VPS13B: variants seen among roughly 807,000 people sequenced by gnomAD.
The protein encoded by VPS13B is vacuolar protein sorting 13 homolog B.
Under a neutral mutation model 426.4 loss-of-function variants are expected in VPS13B, and 285 were observed. The observed-to-expected ratio is 0.67, with a 90% CI of 0.61 to 0.74. The LOEUF is 0.74. Among genes scored for constraint, VPS13B ranks in the 30% least tolerant of loss-of-function variants. The pLI, the probability that VPS13B is intolerant of heterozygous loss-of-function variation, is 0.00. For synonymous variants in VPS13B, 1,676 were observed against 1,676.4 expected, an observed-to-expected ratio of 1.00 and a Z score of 0.01; for missense variants, 4,537 against 4,782.6, an observed-to-expected ratio of 0.95 and a Z score of 1.51.
intron 25 of VPS13B, among the ~76,000 whole-genome samples, chr8:99,490,178 G>A (rs144729632): frequency 0.013 from 1,985 of 152,232 alleles, 22 homozygotes; most frequent in Non-Finnish European, 0.021. Flanking sequence ...TTTGTCGTTG[G>A]TTCTGTTTAT....
chr8:99,067,147 A>G (rs1487429666), intron 3 of VPS13B, among the ~76,000 whole-genome samples: 3 of 152,370 alleles, frequency 2.0e-5, no homozygotes, highest in Admixed American at 1.3e-4. Context: ...TACTAGGTAT[A>G]TACCCAAAAG....
At chr8:99,440,953 G>C (rs117450379) in intron 22 of VPS13B, among the ~76,000 whole-genome samples, 3 of 151,930 alleles carry the variant, frequency 2.0e-5, no homozygotes, top group Admixed American at 2.0e-4. Context: ...ATTTTAAATT[G>C]TGCAACTGAA....
At chr8:99,352,895 A>G (rs1273306449) in intron 19 of VPS13B, among the ~76,000 whole-genome samples, 1 of 152,096 alleles carries the variant, frequency 6.6e-6, no homozygotes, top group Non-Finnish European at 1.5e-5. Flanking sequence ...TAAAAATTGT[A>G]TGCAATAATA....
intron 19 of VPS13B, among the ~76,000 whole-genome samples, chr8:99,372,963 A>G (rs1216326396): frequency 3.3e-5 from 5 of 152,244 alleles, no homozygotes; most frequent in African/African-American, 1.2e-4. Context: ...GCCCATATCC[A>G]CAGTGGAATA....
chr8:99,653,372 A>T (rs1362996015), intron 34 of VPS13B, among the ~76,000 whole-genome samples: 1 of 152,180 alleles, frequency 6.6e-6, no homozygotes, highest in African/African-American at 2.4e-5. Flanking sequence ...AAAGGCAGTG[A>T]TTAGCTTTAA....
intron 58 of VPS13B, among the ~76,000 whole-genome samples, chr8:99,863,208 G>T (rs1816919333): frequency 6.6e-6 from 1 of 152,194 alleles, no homozygotes; most frequent in Non-Finnish European, 1.5e-5. Context: ...TTGGTAAACA[G>T]AACCTATCAT....
chr8:99,642,110 G>C lies in VPS13B; in HGVS notation c.5520G>C (p.Lys1840Asn). The C allele has an allele frequency of 1.2e-6, 2 of 1,614,048 alleles. No homozygotes were observed. The highest frequency in any genetic ancestry group is 1.7e-6 in the Non-Finnish European group (2 of 1,179,992). Reference protein sequence around the residue: ...ALSKSKSQEQKNNEKTDKSSL... With the variant: ...ALSKSKSQEQNNNEKTDKSSL... ...CCAAATCGAAATCACAAGAACAGAA[G>C]AATAATGAAAAAACAGACAAGAGTT... Residue 1840 changes from lysine (K) to asparagine (N), a missense_variant, in exon 34 of 62, where the codon AAG becomes AAC. Coordinates refer to ENST00000357162, the MANE Select transcript of VPS13B (RefSeq NM_152564.5).
chr8:99,682,814 T>C (rs1447319354), intron 35 of VPS13B, among the ~76,000 whole-genome samples: 1 of 152,098 alleles, frequency 6.6e-6, no homozygotes, highest in Non-Finnish European at 1.5e-5. Flanking sequence ...TCCCTCCCTA[T>C]AGGACACTGA....
chr8:99,514,498 T>A (rs1409316094), intron 29 of VPS13B, among the ~76,000 whole-genome samples: 1 of 152,214 alleles, frequency 6.6e-6, no homozygotes, highest in African/African-American at 2.4e-5. Context: ...TGAATTTTAC[T>A]ACTCTAGAAA....
chr8:99,816,846 A>G (rs983289191), intron 44 of VPS13B, among the ~76,000 whole-genome samples: 1 of 152,132 alleles, frequency 6.6e-6, no homozygotes, highest in Non-Finnish European at 1.5e-5. Flanking sequence ...AAAAAAAATT[A>G]GATATCTGCA....
rs548046351 is a variant in VPS13B, at chr8:99,588,460, T to C, written c.5220+10827T>C. ...TCTTCTATCCATGAGCATGGAATGT[T>C]CTTCCATTTGTTTGTGTCCTCTTTT... On this transcript the variant is annotated intron_variant, in intron 33 of 61. Coordinates refer to ENST00000357162, the MANE Select transcript of VPS13B (RefSeq NM_152564.5). 3.9e-5 allele frequency among the ~76,000 whole-genome samples: 6 copies of C among 151,926 alleles called. No homozygotes were observed. In the East Asian group the frequency reaches 9.6e-4, roughly 24 times the overall value.
At position 99,720,458 on chromosome 8, in the gene VPS13B, A is replaced by G. The variant is rs1833090327; in HGVS notation, c.6771A>G (p.Gln2257=). ...FEVQVSEPVP[Q]MSSPVEKNQT... Reference sequence around the variant, plus strand: ...TACAAGTTTCTGAACCAGTGCCTCAAATGTCATCTCCTGTGGAAAAGAATC... The same window carrying G: ...TACAAGTTTCTGAACCAGTGCCTCAGATGTCATCTCCTGTGGAAAAGAATC... The change falls in exon 38 of 62, where the codon CAA becomes CAG. Residue 2257 remains glutamine, a synonymous_variant. Transcript: ENST00000357162. 3 of 1,614,064 alleles carry G rather than the reference A, an allele frequency of 1.9e-6. No homozygotes were observed. Among genetic ancestry groups the G allele is most frequent in the African/African-American group, 1.3e-5 (1 of 75,060 alleles).
At position 99,870,988 on chromosome 8, in the gene VPS13B, G is replaced by C. The variant is rs376554533; in HGVS notation, c.11495+101G>C. 1.9e-5 allele frequency: 23 copies of C among 1,201,894 alleles called. No homozygotes were observed. The East Asian group carries it at 2.0e-4, about 10-fold the overall frequency. 74.5% of individuals were successfully genotyped at this position (1,201,894 alleles called of 1,614,324 possible). A position where few individuals can be genotyped will look rare whatever the true frequency, so the allele number is the denominator to read the frequency against. On this transcript the variant is annotated intron_variant, in intron 60 of 61. Coordinates refer to ENST00000357162, the MANE Select transcript of VPS13B (RefSeq NM_152564.5). ...ATGGGCCATGCTTCCAGGGAGCCCA[G>C]GAGTAGCCATTGTTGGCACTGGCAT...
chr8:99,436,232 AAAT>A (rs1817367657), intron 22 of VPS13B, among the ~76,000 whole-genome samples: 1 of 152,150 alleles, frequency 6.6e-6, no homozygotes, highest in Non-Finnish European at 1.5e-5. Flanking sequence ...TGGATACATT[AAAT>A]AATATTTAAG....
chr8:99,758,020 A>G (rs1001321502), intron 39 of VPS13B, among the ~76,000 whole-genome samples: 21 of 152,228 alleles, frequency 1.4e-4, no homozygotes, highest in Non-Finnish European at 2.4e-4. Context: ...TTTTGGCACC[A>G]AACTCTTGGA....
chr8:99,666,463 A>G (rs1260144409), intron 35 of VPS13B, among the ~76,000 whole-genome samples: 1 of 152,156 alleles, frequency 6.6e-6, no homozygotes, highest in Admixed American at 6.5e-5. Flanking sequence ...ATCCACCATG[A>G]TCAAGTGGGC....
intron 22 of VPS13B, among the ~76,000 whole-genome samples, chr8:99,437,587 G>A (rs1381337295): frequency 6.6e-6 from 1 of 151,970 alleles, no homozygotes; most frequent in Non-Finnish European, 1.5e-5. Flanking sequence ...GCTTGGTGGT[G>A]CCCACCTGTA....
intron 19 of VPS13B, among the ~76,000 whole-genome samples, chr8:99,368,469 A>C (rs1813005240): frequency 6.6e-6 from 1 of 152,064 alleles, no homozygotes; most frequent in Non-Finnish European, 1.5e-5. Context: ...TTTTTAGTCC[A>C]TTTCATAAAT....
At chr8:99,732,593 TA>T (rs1446457837) in intron 39 of VPS13B, among the ~76,000 whole-genome samples, 7 of 152,204 alleles carry the variant, frequency 4.6e-5, no homozygotes, top group Admixed American at 6.5e-5. Context: ...ATCACAGCCA[TA>T]ACACCAAGGA....
Sources: allele counts gnomAD v4.1 joint callset (sites outside exome capture counted in the v4.1 genomes callset), GRCh38; gene constraint gnomAD v4.1.1; transcripts MANE v1.5; gene names NCBI Gene and HGNC (gene_info 2026-07-23, HGNC 2026-07-21).